Variants in XKR9 observed in about 807,000 individuals in gnomAD.
XKR9 encodes the protein XK-related protein 9.
XKR9 carries 32 observed loss-of-function variants against 32.0 expected under a neutral mutation model. The observed-to-expected ratio is 1.00, with a 90% CI of 0.76 to 1.34. The LOEUF is 1.34. Ranked by LOEUF, XKR9 falls within the 40% of genes most tolerant of loss-of-function variation. XKR9 has a pLI of 0.00. For synonymous variants in XKR9, 168 were observed against 143.4 expected, an observed-to-expected ratio of 1.17 and a Z score of -1.22; for missense variants, 546 against 429.7, an observed-to-expected ratio of 1.27 and a Z score of -2.39.
the XKR9 span, among the ~76,000 whole-genome samples, chr8:70,855,657 T>C: frequency 6.6e-6 from 1 of 152,146 alleles, no homozygotes; most frequent in Non-Finnish European, 1.5e-5. Context: ...AGAAAAGCAA[T>C]TCCAAGACAC....
the XKR9 span, among the ~76,000 whole-genome samples, chr8:70,802,574 G>A: frequency 7.2e-5 from 11 of 151,868 alleles, no homozygotes; most frequent in East Asian, 9.7e-4. Flanking sequence ...TTGTGTCTGC[G>A]TTCTTAAGTG....
intron 3 of XKR9, among the ~76,000 whole-genome samples, chr8:70,687,665 C>T (rs971432156): frequency 6.6e-6 from 1 of 152,104 alleles, no homozygotes; most frequent in African/African-American, 2.4e-5. Context: ...CCACTGTGCC[C>T]AGTCCAGTTC....
At chr8:70,765,859 G>A (rs1807368394) in intron 2 of XKR9, among the ~76,000 whole-genome samples, 2 of 152,196 alleles carry the variant, frequency 1.3e-5, no homozygotes, top group African/African-American at 4.8e-5. Flanking sequence ...TTATTAAATA[G>A]GGAATTCTTT....
At chr8:70,942,882 A>G in the XKR9 span, among the ~76,000 whole-genome samples, 3 of 152,078 alleles carry the variant, frequency 2.0e-5, no homozygotes, top group Admixed American at 2.0e-4. Flanking sequence ...AGTCTTACCT[A>G]CTTTTTCTAT....
chr8:70,929,255 C>T, the XKR9 span, among the ~76,000 whole-genome samples: 5 of 152,010 alleles, frequency 3.3e-5, no homozygotes, highest in Admixed American at 2.0e-4. Flanking sequence ...AAGGGGCTAT[C>T]GAGCACTTGA....
At chr8:71,005,557 C>A in the XKR9 span, among the ~76,000 whole-genome samples, 2 of 152,104 alleles carry the variant, frequency 1.3e-5, no homozygotes, top group African/African-American at 4.8e-5. Context: ...AAGAACTGAG[C>A]CAGATTTCTA....
the XKR9 span, among the ~76,000 whole-genome samples, chr8:71,024,555 G>C: frequency 6.6e-6 from 1 of 152,160 alleles, no homozygotes; most frequent in Non-Finnish European, 1.5e-5. Flanking sequence ...CTTGGGAGCT[G>C]ACAAGCCAGA....
At chr8:70,908,382 C>T in the XKR9 span, among the ~76,000 whole-genome samples, 1 of 152,048 alleles carries the variant, frequency 6.6e-6, no homozygotes, top group Non-Finnish European at 1.5e-5. Flanking sequence ...TCAATATAAC[C>T]CTCTAAATCA....
the XKR9 span, among the ~76,000 whole-genome samples, chr8:70,962,128 C>T: frequency 6.6e-6 from 1 of 151,958 alleles, no homozygotes; most frequent in South Asian, 2.1e-4. Flanking sequence ...TAGAGATATT[C>T]GTTTACTTAA....
At chr8:70,861,158 T>A in the XKR9 span, among the ~76,000 whole-genome samples, 1 of 152,096 alleles carries the variant, frequency 6.6e-6, no homozygotes, top group Non-Finnish European at 1.5e-5. Flanking sequence ...ACATGATGAA[T>A]TTGAGATTGT....
At chr8:70,837,349 G>T in the XKR9 span, among the ~76,000 whole-genome samples, 1 of 152,190 alleles carries the variant, frequency 6.6e-6, no homozygotes, top group Non-Finnish European at 1.5e-5. Context: ...TTAAGACATA[G>T]TTTCTAAAAG....
At chr8:70,788,399 A>C (rs566194021) in intron 2 of XKR9, among the ~76,000 whole-genome samples, 1 of 152,098 alleles carries the variant, frequency 6.6e-6, no homozygotes, top group Non-Finnish European at 1.5e-5. Flanking sequence ...CAAGTATGTC[A>C]TACAAGTATG....
chr8:70,975,682 T>A, the XKR9 span, among the ~76,000 whole-genome samples: 1 of 152,234 alleles, frequency 6.6e-6, no homozygotes, highest in Non-Finnish European at 1.5e-5. Context: ...GCGCGATGCC[T>A]CTAGCTTTGT....
intron 2 of XKR9, among the ~76,000 whole-genome samples, chr8:70,773,186 G>A (rs1401194078): frequency 6.6e-6 from 1 of 152,192 alleles, no homozygotes; most frequent in Non-Finnish European, 1.5e-5. Flanking sequence ...ATATGGCAAG[G>A]TAAGCAGTTT....
chr8:70,826,168 T>C, the XKR9 span, among the ~76,000 whole-genome samples: 1 of 152,116 alleles, frequency 6.6e-6, no homozygotes, highest in Non-Finnish European at 1.5e-5. Context: ...AGCATTTGTA[T>C]TGCAAATTCT....
At chr8:70,808,146 A>C in the XKR9 span, among the ~76,000 whole-genome samples, 1 of 152,208 alleles carries the variant, frequency 6.6e-6, no homozygotes, top group African/African-American at 2.4e-5. Flanking sequence ...GGGAAATTGA[A>C]CAACCTGCTC....
the XKR9 span, among the ~76,000 whole-genome samples, chr8:70,956,501 C>G: frequency 6.6e-6 from 1 of 152,158 alleles, no homozygotes; most frequent in South Asian, 2.1e-4. Context: ...ACTGGCAGCC[C>G]CGCTCCCATA....
the XKR9 span, among the ~76,000 whole-genome samples, chr8:70,919,871 A>G: frequency 2.6e-5 from 4 of 152,350 alleles, no homozygotes; most frequent in Admixed American, 1.3e-4. Context: ...ATCATTTCAA[A>G]CAAACTTTTC....
chr8:70,897,442 T>C, the XKR9 span, among the ~76,000 whole-genome samples: 1 of 152,318 alleles, frequency 6.6e-6, no homozygotes, highest in East Asian at 1.9e-4. Flanking sequence ...TTTTTAGTTT[T>C]TTGAGAAACC....
Sources: gnomAD v4.1 joint callset for allele counts (sites outside exome capture counted in the v4.1 genomes callset) on GRCh38, gnomAD v4.1.1 for gene constraint, MANE v1.5 for transcripts, NCBI Gene and HGNC (gene_info 2026-07-23, HGNC 2026-07-21) for gene names.